NUP93: variants seen among roughly 807,000 people sequenced by gnomAD.
NUP93 encodes nuclear pore complex protein Nup93.
NUP93 carries 55 observed loss-of-function variants against 107.8 expected under a neutral mutation model. The ratio of observed to expected loss-of-function variants is 0.51; its 90% CI spans 0.41 to 0.64. The LOEUF (loss-of-function observed/expected upper bound fraction) is 0.64. Ranked by LOEUF, NUP93 falls within the 30% of genes least tolerant of loss-of-function variation. The pLI is 0.00. For missense variants in NUP93, 937 were observed against 1,044.7 expected (o/e 0.90, Z 1.42); for synonymous variants, 390 against 397.5 (o/e 0.98, Z 0.22).
intron 7 of NUP93, among the ~76,000 whole-genome samples, chr16:56,822,514 CAAA>C (rs751717930): frequency 5.4e-5 from 5 of 92,004 alleles, no homozygotes; most frequent in Non-Finnish European, 9.0e-5. Flanking sequence ...GGCCCTGTCT[CAAA>C]AAAAAAAAAA....
Position 56,847,818 on chromosome 16 carries a change from C to T in NUP93, c.*3209C>T, listed in dbSNP as rs1291812589. The T allele has an allele frequency of 6.6e-6, 1 of 152,200 alleles. No homozygotes were observed. The highest frequency in any genetic ancestry group is 1.5e-5 in the Non-Finnish European group (1 of 68,056). 9.4% of individuals were successfully genotyped at this position (152,200 alleles called of 1,614,324 possible). A position where few individuals can be genotyped will look rare whatever the true frequency, so the allele number is the denominator to read the frequency against. On this transcript the variant is annotated 3_prime_UTR_variant, in exon 22 of 22. Transcript: ENST00000308159. ...AGGATGCAGACCCAGCTCCTGTCCTCCGCGAACTTACAGTCTAATTAGAGC... is the reference window on the plus strand; with the variant it reads ...AGGATGCAGACCCAGCTCCTGTCCTTCGCGAACTTACAGTCTAATTAGAGC...
chr16:56,805,442 C>A, intron 4 of NUP93, 62 bp from the exon 5 acceptor site: 1 of 1,602,118 alleles, frequency 6.2e-7, no homozygotes, highest in African/African-American at 1.3e-5. Context: ...TCTGTTGGGT[C>A]TTAAACCATG....
At chr16:56,803,551 A>G (rs1196656960) in intron 4 of NUP93, among the ~76,000 whole-genome samples, 2 of 152,086 alleles carry the variant, frequency 1.3e-5, no homozygotes, top group Non-Finnish European at 2.9e-5. Flanking sequence ...ATAATCCGTC[A>G]TTATTTTATA....
intron 8 of NUP93, among the ~76,000 whole-genome samples, chr16:56,825,771 C>T (rs1235350998): frequency 6.6e-6 from 1 of 152,100 alleles, no homozygotes; most frequent in Non-Finnish European, 1.5e-5. Context: ...TAATTGTAAT[C>T]TTAAGTTTAT....
At chr16:56,757,868 G>C (rs1962054047) in intron 2 of NUP93, among the ~76,000 whole-genome samples, 1 of 152,124 alleles carries the variant, frequency 6.6e-6, no homozygotes, top group Admixed American at 6.6e-5. Flanking sequence ...TTTATACTAG[G>C]TTACTCCTGA....
intron 4 of NUP93, among the ~76,000 whole-genome samples, chr16:56,803,305 T>A (rs1363250684): frequency 1.3e-5 from 2 of 151,966 alleles, no homozygotes; most frequent in African/African-American, 4.8e-5. Context: ...CTAAAAGTCT[T>A]AACACAAAAG....
At chr16:56,735,488 T>G (rs1020031854) in intron 1 of NUP93, among the ~76,000 whole-genome samples, 1 of 152,208 alleles carries the variant, frequency 6.6e-6, no homozygotes, top group African/African-American at 2.4e-5. Flanking sequence ...GTGACTCACC[T>G]GGATGGATCC....
At chr16:56,777,021 C>T (rs1567384329) in intron 3 of NUP93, among the ~76,000 whole-genome samples, 1 of 151,736 alleles carries the variant, frequency 6.6e-6, no homozygotes, top group Admixed American at 6.6e-5. Context: ...AGAGAGTGAG[C>T]GTGTGTGTGT....
rs537236327 is a variant in NUP93 at position 56,741,345 on chromosome 16, A to G, written c.-14-6889A>G. On this transcript the variant is annotated intron_variant, in intron 1 of 21. Transcript: ENST00000308159. ...CAGAGTTTATAAGATAATTTTATGT[A>G]TCAACAACTCCTTGAAGTAGGTAGG... Among the ~76,000 whole-genome samples the G allele has an allele frequency of 2.6e-4, 39 of 152,338 alleles. No homozygotes were observed. In the South Asian group the frequency reaches 8.1e-3, roughly 32 times the overall value.
At chr16:56,822,804 C>T (rs192224784) in intron 7 of NUP93, among the ~76,000 whole-genome samples, 10 of 152,004 alleles carry the variant, frequency 6.6e-5, no homozygotes, top group African/African-American at 2.2e-4. Context: ...TTTTTAAATA[C>T]TAAAATATAA....
Position 56,844,653 on chromosome 16 carries a change from A to ATC in NUP93, c.*45_*46dup, listed in dbSNP as rs752565537. On this transcript the variant is annotated 3_prime_UTR_variant, in exon 22 of 22. Transcript: ENST00000308159. ...GTCTGGGTCGGCACACTGTCAGTAC[A>ATC]TCAGGCACATGGGCCCACTAGGCTG... 16 of 1,283,322 alleles carry ATC rather than the reference A, an allele frequency of 1.2e-5. No homozygotes were observed. Among genetic ancestry groups the ATC allele is most frequent in the Non-Finnish European group, 1.8e-5 (16 of 913,388 alleles). The allele number at this position is 1,283,322 out of a possible 1,614,324, so 79.5% of individuals were successfully genotyped here.
chr16:56,825,010 A>T (rs1290130318), intron 8 of NUP93, among the ~76,000 whole-genome samples: 5 of 152,124 alleles, frequency 3.3e-5, no homozygotes, highest in Admixed American at 3.3e-4. Context: ...ATTTGTTACC[A>T]GTCAGCAAAA....
At chr16:56,786,027 G>A (rs1962620018) in intron 3 of NUP93, among the ~76,000 whole-genome samples, 1 of 152,094 alleles carries the variant, frequency 6.6e-6, no homozygotes, top group African/African-American at 2.4e-5. Flanking sequence ...AGGTGAAGTA[G>A]CATTCCTACG....
intron 3 of NUP93, among the ~76,000 whole-genome samples, chr16:56,786,148 CT>C (rs374409936): frequency 1.3e-5 from 2 of 152,020 alleles, no homozygotes; most frequent in African/African-American, 4.8e-5. Context: ...TATTTTCTTT[CT>C]TTTGTGGTTC....
At chr16:56,731,121 A>G (rs935030257) in intron 1 of NUP93, among the ~76,000 whole-genome samples, 24 of 151,978 alleles carry the variant, frequency 1.6e-4, no homozygotes, top group African/African-American at 5.6e-4. Flanking sequence ...ATTTCATAGC[A>G]TTAAATACAT....
intron 3 of NUP93, among the ~76,000 whole-genome samples, chr16:56,774,100 A>C (rs1459413222): frequency 6.6e-6 from 1 of 152,210 alleles, no homozygotes; most frequent in Non-Finnish European, 1.5e-5. Flanking sequence ...CCAGAGGAGA[A>C]TAAAGAAGAG....
At chr16:56,814,017 C>A (rs1347590) in intron 5 of NUP93, among the ~76,000 whole-genome samples, 133,768 of 152,222 alleles carry the variant, frequency 0.88, 59,098 homozygotes, top group East Asian at 0.99. Flanking sequence ...TTGCCTACAA[C>A]TTTTAAAGCT....
chr16:56,741,234 G>C (rs1168170536), intron 1 of NUP93, among the ~76,000 whole-genome samples: 1 of 152,164 alleles, frequency 6.6e-6, no homozygotes, highest in Non-Finnish European at 1.5e-5. Context: ...TTGAAGCAGA[G>C]ATGTTTATAA....
At chr16:56,782,406 C>T (rs1336052060) in intron 3 of NUP93, 1 of 169,618 alleles carries the variant, frequency 5.9e-6, no homozygotes, top group African/African-American at 2.4e-5. Flanking sequence ...AGATTTGTAT[C>T]TTGCCATTCT....
Sources: gnomAD v4.1 joint callset for allele counts (sites outside exome capture counted in the v4.1 genomes callset) on GRCh38, gnomAD v4.1.1 for gene constraint, MANE v1.5 for transcripts, NCBI Gene and HGNC (gene_info 2026-07-23, HGNC 2026-07-21) for gene names.